Variants in SEMA5A observed in about 807,000 individuals in gnomAD.
The protein encoded by SEMA5A is semaphorin 5A.
Under a neutral mutation model 135.5 loss-of-function variants are expected in SEMA5A, and 55 were observed. That is an observed-to-expected ratio of 0.41 (90% CI 0.33 to 0.51). The LOEUF is 0.51. SEMA5A is among the 20% of genes least tolerant of loss of function. SEMA5A has a pLI of 0.37. For missense variants in SEMA5A, 1,290 were observed against 1,419.9 expected (o/e 0.91, Z 1.47); for synonymous variants, 580 against 546.5 (o/e 1.06, Z -0.85).
intron 1 of SEMA5A, among the ~76,000 whole-genome samples, chr5:9,439,415 T>C (rs1758152580): frequency 6.6e-6 from 1 of 152,206 alleles, no homozygotes. Context: ...GTCCTTGTAG[T>C]TGTTTAGATC....
chr5:9,109,992 G>A (rs1030386517), intron 15 of SEMA5A, among the ~76,000 whole-genome samples: 1 of 152,132 alleles, frequency 6.6e-6, no homozygotes, highest in Non-Finnish European at 1.5e-5. Flanking sequence ...TGGGCTTCAG[G>A]AACAGGGACA....
chr5:9,200,051 TC>T (rs1462483617), intron 9 of SEMA5A, among the ~76,000 whole-genome samples: 8 of 152,272 alleles, frequency 5.3e-5, no homozygotes. Context: ...TCCTTTTCTT[TC>T]CGTTTGAAAA....
At chr5:9,319,404 G>T (rs189192449) in intron 4 of SEMA5A, among the ~76,000 whole-genome samples, 1 of 152,236 alleles carries the variant, frequency 6.6e-6, no homozygotes, top group East Asian at 1.9e-4. Context: ...TTTCAACAAA[G>T]AAGGGGAAGA....
At chr5:9,219,026 C>A (rs1746785527) in intron 8 of SEMA5A, among the ~76,000 whole-genome samples, 1 of 152,202 alleles carries the variant, frequency 6.6e-6, no homozygotes, top group South Asian at 2.1e-4. Flanking sequence ...CTCACAATGT[C>A]CAGGTCAGGT....
At chr5:9,079,929 A>G (rs1368867346) in intron 16 of SEMA5A, among the ~76,000 whole-genome samples, 4 of 152,202 alleles carry the variant, frequency 2.6e-5, no homozygotes, top group Non-Finnish European at 4.4e-5. Flanking sequence ...AGAAATGGGA[A>G]TGATTTTACA....
At chr5:9,392,879 T>A (rs761545455) in intron 2 of SEMA5A, among the ~76,000 whole-genome samples, 8 of 152,232 alleles carry the variant, frequency 5.3e-5, no homozygotes, top group Non-Finnish European at 1.2e-4. Flanking sequence ...CACTTTATTT[T>A]AGCCATTGAG....
intron 15 of SEMA5A, among the ~76,000 whole-genome samples, chr5:9,114,932 A>C (rs1740433547): frequency 6.6e-6 from 1 of 152,208 alleles, no homozygotes; most frequent in South Asian, 2.1e-4. Flanking sequence ...TAGTTACACA[A>C]AGAGTCCTTT....
chr5:9,318,928 G>C (rs1752507027), intron 4 of SEMA5A, among the ~76,000 whole-genome samples: 2 of 152,210 alleles, frequency 1.3e-5, no homozygotes, highest in South Asian at 2.1e-4. Context: ...GCCCGGCATG[G>C]TGGTTCACAC....
At chr5:9,246,471 GGAT>G (rs1016099278) in intron 5 of SEMA5A, among the ~76,000 whole-genome samples, 75 of 152,104 alleles carry the variant, frequency 4.9e-4, no homozygotes, top group African/African-American at 1.8e-3. Context: ...TACATCACAT[GGAT>G]GATGCCATCC....
rs1736024547 is a variant in SEMA5A, at chr5:9,042,661, T to C, written c.*236A>G. ...GTCAGAAAAATAGGATGAACACAAT[T>C]AAAAACTTCACACCCTGGCTCATTC... On this transcript the variant is annotated 3_prime_UTR_variant, in exon 23 of 23. Coordinates refer to ENST00000382496, the MANE Select transcript of SEMA5A (RefSeq NM_003966.3). 2.1e-6 allele frequency: 1 copy of C among 472,854 alleles called. No homozygotes were observed. Among genetic ancestry groups the C allele is most frequent in the Non-Finnish European group, 3.7e-6 (1 of 269,406 alleles). The allele number at this position is 472,854 out of a possible 1,614,324, so 29.3% of individuals were successfully genotyped here. A position where few individuals can be genotyped will look rare whatever the true frequency, so the allele number is the denominator to read the frequency against.
chr5:9,055,207 T>C (rs1736824791), intron 18 of SEMA5A, among the ~76,000 whole-genome samples: 1 of 152,182 alleles, frequency 6.6e-6, no homozygotes, highest in Non-Finnish European at 1.5e-5. Flanking sequence ...TCAAATATGA[T>C]TTTCAGTTTA....
intron 12 of SEMA5A, among the ~76,000 whole-genome samples, chr5:9,145,662 A>G (rs932571351): frequency 1.2e-4 from 6 of 50,208 alleles, no homozygotes; most frequent in African/African-American, 2.3e-4. Flanking sequence ...TTTTTTTTTT[A>G]GATGGAGTCT....
chr5:9,287,978 A>T (rs1377917431), intron 5 of SEMA5A, among the ~76,000 whole-genome samples: 1 of 150,308 alleles, frequency 6.7e-6, no homozygotes, highest in Admixed American at 7.0e-5. Flanking sequence ...AGAATAGTAG[A>T]TTCTGAATAT....
chr5:9,420,104 T>G (rs1410476095), intron 2 of SEMA5A, among the ~76,000 whole-genome samples: 2 of 152,074 alleles, frequency 1.3e-5, no homozygotes, highest in Non-Finnish European at 2.9e-5. Flanking sequence ...CTTGCACACA[T>G]GATGGAGCGC....
At chr5:9,222,214 G>A (rs1376083654) in intron 8 of SEMA5A, among the ~76,000 whole-genome samples, 1 of 152,188 alleles carries the variant, frequency 6.6e-6, no homozygotes, top group Non-Finnish European at 1.5e-5. Flanking sequence ...CCTGTGTTCA[G>A]GCTCAGCAGG....
At chr5:9,543,326 C>T (rs1738194532) in intron 1 of SEMA5A, among the ~76,000 whole-genome samples, 1 of 152,144 alleles carries the variant, frequency 6.6e-6, no homozygotes, top group East Asian at 1.9e-4. Context: ...ATTTCGGTCT[C>T]GTGGTCAATA....
At chr5:9,520,582 G>C (rs1359258639) in intron 1 of SEMA5A, among the ~76,000 whole-genome samples, 1 of 152,150 alleles carries the variant, frequency 6.6e-6, no homozygotes, top group Non-Finnish European at 1.5e-5. Context: ...TCTGGGATTG[G>C]TCTGTTATTC....
rs1022559457 is a variant in SEMA5A at position 9,042,235 on chromosome 5, C to T, written c.*662G>A. 3.3e-5 allele frequency: 5 copies of T among 152,866 alleles called. No individual in the cohort carries two copies. Among genetic ancestry groups the T allele is most frequent in the African/African-American group, 1.2e-4 (5 of 41,476 alleles). The allele number at this position is 152,866 out of a possible 1,614,324, so 9.5% of individuals were successfully genotyped here. A position where few individuals can be genotyped will look rare whatever the true frequency, so the allele number is the denominator to read the frequency against. On this transcript the variant is annotated 3_prime_UTR_variant, in exon 23 of 23. Coordinates refer to ENST00000382496, the MANE Select transcript of SEMA5A (RefSeq NM_003966.3). The stretch of plus-strand genomic sequence containing the variant: ...GCCTGAGCCTCTGCTCCGCTGCCTC[C>T]ACCAGCACCAGCAATGGCACAGAAA...
At chr5:9,232,027 G>A (rs898953370) in intron 6 of SEMA5A, among the ~76,000 whole-genome samples, 2 of 152,260 alleles carry the variant, frequency 1.3e-5, no homozygotes, top group South Asian at 2.1e-4. Flanking sequence ...ATTGATAGCC[G>A]AGGAGCATGG....
Sources: allele counts gnomAD v4.1 joint callset (sites outside exome capture counted in the v4.1 genomes callset), GRCh38; gene constraint gnomAD v4.1.1; transcripts MANE v1.5; gene names NCBI Gene and HGNC (gene_info 2026-07-23, HGNC 2026-07-21).